CLVS1: variants seen among roughly 807,000 people sequenced by gnomAD.
The protein encoded by CLVS1 is clavesin-1.
A neutral mutation model predicts 33.1 loss-of-function variants in CLVS1; 10 were observed. That is an observed-to-expected ratio of 0.30 (90% CI 0.19 to 0.51). The LOEUF is 0.51. Ranked by LOEUF, CLVS1 falls within the 20% of genes least tolerant of loss-of-function variation. CLVS1 has a pLI of 0.97. For missense variants in CLVS1, 343 were observed against 433.4 expected (o/e 0.79, Z 1.85); for synonymous variants, 163 against 166.1 (o/e 0.98, Z 0.14).
chr8:61,023,476 A>C, the CLVS1 span, among the ~76,000 whole-genome samples: 1 of 152,270 alleles, frequency 6.6e-6, no homozygotes, highest in Non-Finnish European at 1.5e-5. Flanking sequence ...TACATCCCAC[A>C]GTTATTCAAA....
the CLVS1 span, among the ~76,000 whole-genome samples, chr8:60,972,534 G>A: frequency 1.3e-5 from 2 of 152,258 alleles, no homozygotes; most frequent in Non-Finnish European, 2.9e-5. Flanking sequence ...TATTCTGGAG[G>A]TCGCGAGATT....
the CLVS1 span, among the ~76,000 whole-genome samples, chr8:60,991,059 A>G: frequency 6.6e-6 from 1 of 152,182 alleles, no homozygotes; most frequent in African/African-American, 2.4e-5. Flanking sequence ...AAATTGAGTA[A>G]GATGCAGCTT....
intron 3 of CLVS1, among the ~76,000 whole-genome samples, chr8:61,415,962 C>A (rs1030701174): frequency 7.9e-5 from 12 of 152,116 alleles, no homozygotes; most frequent in African/African-American, 2.4e-4. Flanking sequence ...CAAAACAAAG[C>A]CTGGTGAATC....
chr8:61,400,201 A>G (rs541320011), intron 3 of CLVS1, among the ~76,000 whole-genome samples: 1 of 152,270 alleles, frequency 6.6e-6, no homozygotes, highest in East Asian at 1.9e-4. Flanking sequence ...GAGTAAACTC[A>G]GATTTCTTTG....
intron 5 of CLVS1, among the ~76,000 whole-genome samples, chr8:61,467,653 A>G (rs1166035060): frequency 6.6e-6 from 1 of 152,202 alleles, no homozygotes; most frequent in African/African-American, 2.4e-5. Flanking sequence ...CCCACCATAC[A>G]GGAATGGCAG....
At chr8:60,988,369 G>A in the CLVS1 span, among the ~76,000 whole-genome samples, 2 of 152,014 alleles carry the variant, frequency 1.3e-5, no homozygotes, top group African/African-American at 4.8e-5. Flanking sequence ...TGGTGCCTGG[G>A]ACAGCTTCTC....
At chr8:61,200,325 T>C (rs1302615965) in intron 2 of CLVS1, among the ~76,000 whole-genome samples, 1 of 152,210 alleles carries the variant, frequency 6.6e-6, no homozygotes, top group African/African-American at 2.4e-5. Flanking sequence ...TTCACCATGT[T>C]TGCCAGGCTG....
chr8:61,153,433 GAAGA>G (rs1253390826), intron 2 of CLVS1, among the ~76,000 whole-genome samples: 1 of 152,246 alleles, frequency 6.6e-6, no homozygotes, highest in East Asian at 1.9e-4. Context: ...TTACAGGTTA[GAAGA>G]AAGAAATGGC....
chr8:61,292,301 T>G, intron 1 of CLVS1: 1 of 456,032 alleles, frequency 2.2e-6, no homozygotes, highest in South Asian at 1.6e-5. Flanking sequence ...CTTGCTGATG[T>G]GTTTTACTTT....
rs1259004204 is a variant in CLVS1, at chr8:61,232,034, T to TGTTTGTTTGTTTGTTTG, written c.-151-67643_-151-67642insGTTTGTTTGTTTGTTTG. Among the ~76,000 whole-genome samples the TGTTTGTTTGTTTGTTTG allele has an allele frequency of 6.0e-5, 8 of 133,086 alleles. 1 individual carries two copies. The highest frequency in any genetic ancestry group is 2.6e-4 in the African/African-American group (8 of 30,890). The allele number at this position is 133,086 out of a possible 152,430, so 87.3% of individuals were successfully genotyped here. A position where few individuals can be genotyped will look rare whatever the true frequency, so the allele number is the denominator to read the frequency against. Reference sequence around the variant, plus strand: ...TGAGGAAAGTTGTGGTTTTTTTTTTTTTTTTTTTTTTTTTTTGTGAGATGG... The same window carrying TGTTTGTTTGTTTGTTTG: ...TGAGGAAAGTTGTGGTTTTTTTTTTTGTTTGTTTGTTTGTTTGTTTTTTTTTTTTTTTTGTGAGATGG... On this transcript the variant is annotated intron_variant, in intron 2 of 2. Transcript: ENST00000522621.
chr8:61,216,095 G>A lies in CLVS1; in HGVS notation c.-151-83582G>A, dbSNP rs16927012. 4.5e-3 allele frequency among the ~76,000 whole-genome samples: 685 copies of A among 152,154 alleles called. 10 individuals are homozygous for A. The highest frequency in any genetic ancestry group is 0.016 in the African/African-American group (657 of 41,492). The stretch of plus-strand genomic sequence containing the variant: ...TTTCTCCTCTCCTAGACTGCCTTGG[G>A]GATTGAGATTTCTTTATGGTCATCG... On this transcript the variant is annotated intron_variant, in intron 2 of 2. Coordinates refer to the CLVS1 transcript ENST00000522621.
At chr8:61,217,503 C>A (rs894205820) in intron 2 of CLVS1, among the ~76,000 whole-genome samples, 2 of 152,110 alleles carry the variant, frequency 1.3e-5, no homozygotes, top group South Asian at 4.1e-4. Flanking sequence ...AATATATTAA[C>A]CTCATGGTTC....
intron 1 of CLVS1, among the ~76,000 whole-genome samples, chr8:61,116,313 A>G (rs1483673436): frequency 6.6e-6 from 1 of 151,346 alleles, no homozygotes; most frequent in Non-Finnish European, 1.5e-5. Context: ...ATTTTCTCCC[A>G]TTTGGTTGCC....
intron 3 of CLVS1, among the ~76,000 whole-genome samples, chr8:61,385,895 G>A (rs961396271): frequency 1.3e-5 from 2 of 152,128 alleles, no homozygotes; most frequent in African/African-American, 2.4e-5. Context: ...ATGTTGGGGG[G>A]TAGTCCCCAA....
intron 1 of CLVS1, among the ~76,000 whole-genome samples, chr8:61,110,620 T>G (rs1805609159): frequency 6.6e-6 from 1 of 152,234 alleles, no homozygotes; most frequent in South Asian, 2.1e-4. Context: ...TTCACACTGT[T>G]GTGCAACCAA....
intron 1 of CLVS1, among the ~76,000 whole-genome samples, chr8:61,089,054 G>A (rs1035131841): frequency 1.3e-5 from 2 of 152,028 alleles, no homozygotes; most frequent in Non-Finnish European, 2.9e-5. Context: ...TGCCCGCCTC[G>A]TCCTCCCGAA....
intron 3 of CLVS1, among the ~76,000 whole-genome samples, chr8:61,386,602 T>C (rs563307208): frequency 1.3e-3 from 197 of 152,316 alleles, no homozygotes; most frequent in Admixed American, 2.2e-3. Flanking sequence ...AATTTCTAGC[T>C]CAGGAGGCAG....
chr8:61,063,542 G>A (rs1804624104), intron 1 of CLVS1, among the ~76,000 whole-genome samples: 1 of 152,156 alleles, frequency 6.6e-6, no homozygotes, highest in Admixed American at 6.5e-5. Flanking sequence ...CTTCAAGAAG[G>A]ATGGACACAG....
At chr8:61,429,594 T>C (rs1470802878) in intron 3 of CLVS1, among the ~76,000 whole-genome samples, 1 of 152,164 alleles carries the variant, frequency 6.6e-6, no homozygotes, top group East Asian at 1.9e-4. Flanking sequence ...TGTCGTTGTA[T>C]TGGGGATTAA....
Sources: gnomAD v4.1 joint callset for allele counts (sites outside exome capture counted in the v4.1 genomes callset) on GRCh38, gnomAD v4.1.1 for gene constraint, MANE v1.5 for transcripts, NCBI Gene and HGNC (gene_info 2026-07-23, HGNC 2026-07-21) for gene names.